Variants in PSD3 observed in about 807,000 individuals in gnomAD.
The protein encoded by PSD3 is PH and SEC7 domain-containing protein 3.
A neutral mutation model predicts 105.5 loss-of-function variants in PSD3; 49 were observed. That is an observed-to-expected ratio of 0.46 (90% CI 0.37 to 0.59). The LOEUF is 0.59. Ranked by LOEUF, PSD3 falls within the 20% of genes least tolerant of loss-of-function variation. PSD3 has a pLI of 0.00. For synonymous variants in PSD3, 557 were observed against 457.8 expected, an observed-to-expected ratio of 1.22 and a Z score of -2.77; for missense variants, 1,561 against 1,263.8, an observed-to-expected ratio of 1.24 and a Z score of -3.57.
intron 12 of PSD3, among the ~76,000 whole-genome samples, chr8:18,585,383 T>C (rs371775629): frequency 6.6e-6 from 1 of 152,166 alleles, no homozygotes; most frequent in Non-Finnish European, 1.5e-5. Context: ...AATGACCCAA[T>C]CTTGACTCAC....
intron 9 of PSD3, among the ~76,000 whole-genome samples, chr8:18,729,208 A>G (rs1032224714): frequency 6.6e-6 from 1 of 152,148 alleles, no homozygotes; most frequent in African/African-American, 2.4e-5. Context: ...GTCAGTAGAG[A>G]TTTCTGAACC....
At chr8:18,905,811 C>A (rs1232313817) in intron 2 of PSD3, among the ~76,000 whole-genome samples, 1 of 152,016 alleles carries the variant, frequency 6.6e-6, no homozygotes, top group East Asian at 1.9e-4. Context: ...ACAAATAATT[C>A]ACGAATATAG....
intron 4 of PSD3, among the ~76,000 whole-genome samples, chr8:18,863,523 T>G (rs1314244595): frequency 1.3e-5 from 2 of 152,130 alleles, no homozygotes; most frequent in Non-Finnish European, 2.9e-5. Context: ...GACATGTGGC[T>G]CACTCATCAA....
chr8:18,859,471 A>G (rs1412090899), intron 4 of PSD3, among the ~76,000 whole-genome samples: 1 of 152,204 alleles, frequency 6.6e-6, no homozygotes, highest in Admixed American at 6.5e-5. Flanking sequence ...TGTCCTTTCA[A>G]GCTTTAAGAA....
At chr8:18,657,246 C>G (rs1456969190) in intron 9 of PSD3, among the ~76,000 whole-genome samples, 2 of 143,114 alleles carry the variant, frequency 1.4e-5, no homozygotes, top group African/African-American at 5.0e-5. Context: ...TGTGTGTAAG[C>G]AAACAATGCA....
intron 3 of PSD3, among the ~76,000 whole-genome samples, chr8:18,870,938 A>G (rs1817299912): frequency 1.3e-5 from 2 of 152,184 alleles, no homozygotes; most frequent in South Asian, 4.2e-4. Flanking sequence ...ATCTCTACAA[A>G]GAGTACAAAA....
intron 2 of PSD3, among the ~76,000 whole-genome samples, chr8:18,876,059 T>C (rs1310658521): frequency 6.6e-6 from 1 of 152,146 alleles, no homozygotes; most frequent in Non-Finnish European, 1.5e-5. Flanking sequence ...TCATGTCATA[T>C]CATCTATCAA....
chr8:18,575,412 A>C, intron 12 of PSD3, 127 bp from the exon 13 acceptor site: 1 of 896,734 alleles, frequency 1.1e-6, no homozygotes, highest in Non-Finnish European at 1.6e-6. Flanking sequence ...AAATGAAACA[A>C]ACGGTGAGTA....
chr8:18,689,044 C>T (rs556127998), intron 9 of PSD3, among the ~76,000 whole-genome samples: 9 of 152,290 alleles, frequency 5.9e-5, no homozygotes, highest in African/African-American at 1.2e-4. Context: ...CTAAGGACAC[C>T]GTTTGGTAGA....
At chr8:18,683,701 A>G (rs17644739) in intron 9 of PSD3, 10,449 of 723,762 alleles carry the variant, frequency 0.014, 444 homozygotes, top group East Asian at 0.12. Context: ...CACATTAGAC[A>G]CTGCCAAAGA....
At chr8:19,048,297 G>T (rs147578679) in intron 1 of PSD3, among the ~76,000 whole-genome samples, 9 of 152,282 alleles carry the variant, frequency 5.9e-5, no homozygotes, top group African/African-American at 2.2e-4. Flanking sequence ...ATATCAACTC[G>T]GTGGTTAAGA....
chr8:18,785,248 A>C (rs186280683), intron 8 of PSD3, among the ~76,000 whole-genome samples: 7 of 152,314 alleles, frequency 4.6e-5, no homozygotes, highest in Non-Finnish European at 8.8e-5. Flanking sequence ...CCCTTATTAT[A>C]AAATGTTCTT....
At chr8:18,674,356 T>C (rs968472451) in intron 9 of PSD3, among the ~76,000 whole-genome samples, 3 of 152,172 alleles carry the variant, frequency 2.0e-5, no homozygotes, top group Non-Finnish European at 4.4e-5. Flanking sequence ...GTATTTGGCA[T>C]CCAGTTTTTT....
intron 1 of PSD3, among the ~76,000 whole-genome samples, chr8:18,968,918 T>C (rs925145678): frequency 5.3e-5 from 5 of 94,072 alleles, no homozygotes; most frequent in Non-Finnish European, 9.2e-5. Flanking sequence ...CCCACAAAAA[T>C]ATAAAGGCCC....
chr8:18,985,464 G>A (rs1825454527), intron 1 of PSD3, among the ~76,000 whole-genome samples: 1 of 152,126 alleles, frequency 6.6e-6, no homozygotes, highest in Non-Finnish European at 1.5e-5. Flanking sequence ...AAGGCACCAG[G>A]AATTCCCTAG....
At chr8:18,942,649 ACACT>A (rs1822621494) in intron 1 of PSD3, among the ~76,000 whole-genome samples, 4 of 152,248 alleles carry the variant, frequency 2.6e-5, no homozygotes, top group Non-Finnish European at 5.9e-5. Flanking sequence ...CGACAGGCAC[ACACT>A]GAGAAAAGAC....
intron 1 of PSD3, among the ~76,000 whole-genome samples, chr8:18,992,079 C>T (rs745589274): frequency 1.1e-4 from 17 of 152,146 alleles, no homozygotes; most frequent in Non-Finnish European, 2.1e-4. Flanking sequence ...ATAATGGTTT[C>T]CAAACCAGTC....
At chr8:18,839,205 T>C (rs1176682604) in intron 4 of PSD3, among the ~76,000 whole-genome samples, 1 of 152,074 alleles carries the variant, frequency 6.6e-6, no homozygotes, top group Non-Finnish European at 1.5e-5. Context: ...TTTACAAGTG[T>C]AAATGTGGTG....
At chr8:18,730,561 G>C (rs1010476697) in intron 9 of PSD3, among the ~76,000 whole-genome samples, 2 of 152,274 alleles carry the variant, frequency 1.3e-5, no homozygotes, top group Admixed American at 6.5e-5. Context: ...TATATCCATT[G>C]TTACATTCAC....
Sources: gnomAD v4.1 joint callset for allele counts (sites outside exome capture counted in the v4.1 genomes callset) on GRCh38, gnomAD v4.1.1 for gene constraint, MANE v1.5 for transcripts, NCBI Gene and HGNC (gene_info 2026-07-23, HGNC 2026-07-21) for gene names.